The following RGS17 variants were observed in gnomAD, a reference collection of about 807,000 sequenced individuals.
RGS17 encodes the protein regulator of G-protein signaling 17.
RGS17 carries 12 observed loss-of-function variants against 25.5 expected under a neutral mutation model. The observed-to-expected ratio is 0.47, with a 90% CI of 0.30 to 0.76. The LOEUF (loss-of-function observed/expected upper bound fraction) is 0.76, where lower values mean the gene tolerates loss of function less well. Among genes scored for constraint, RGS17 ranks in the 30% least tolerant of loss-of-function variants. The pLI is 0.07. For synonymous variants in RGS17, 71 were observed against 76.9 expected (o/e 0.92, Z 0.40); for missense variants, 196 against 242.2 (o/e 0.81, Z 1.27).
At chr6:153,062,373 T>G (rs1776651404) in intron 1 of RGS17, among the ~76,000 whole-genome samples, 1 of 152,162 alleles carries the variant, frequency 6.6e-6, no homozygotes, top group South Asian at 2.1e-4. Flanking sequence ...AGTGGTGTAC[T>G]GTTAGAGAAG....
intron 1 of RGS17, among the ~76,000 whole-genome samples, chr6:153,052,265 GC>G (rs34434686): frequency 0.89 from 135,277 of 152,044 alleles, 60,417 homozygotes; most frequent in African/African-American, 0.97. Context: ...TGGGACCTCT[GC>G]CCCCAGTGGG....
At chr6:153,118,887 A>T (rs562038235) in intron 1 of RGS17, among the ~76,000 whole-genome samples, 1 of 152,076 alleles carries the variant, frequency 6.6e-6, no homozygotes, top group African/African-American at 2.4e-5. Context: ...ATATGAATAA[A>T]ACTGGTAAAA....
chr6:153,126,701 T>A (rs77248137), intron 1 of RGS17, among the ~76,000 whole-genome samples: 21,022 of 152,158 alleles, frequency 0.14, 1,920 homozygotes, highest in Non-Finnish European at 0.2. Flanking sequence ...AAAGATTTTT[T>A]AAAGAATGGC....
chr6:153,129,266 T>C (rs1258627931), intron 1 of RGS17, among the ~76,000 whole-genome samples: 1 of 152,210 alleles, frequency 6.6e-6, no homozygotes, highest in East Asian at 1.9e-4. Flanking sequence ...AATTACTGTT[T>C]TAGTTCATGT....
chr6:153,106,914 G>C (rs536864325), intron 1 of RGS17, among the ~76,000 whole-genome samples: 1 of 151,786 alleles, frequency 6.6e-6, no homozygotes, highest in African/African-American at 2.4e-5. Flanking sequence ...GATTATAGGC[G>C]TCAGCCACCG....
intron 4 of RGS17, among the ~76,000 whole-genome samples, chr6:153,013,765 C>G (rs1276576061): frequency 6.6e-6 from 1 of 152,194 alleles, no homozygotes; most frequent in Non-Finnish European, 1.5e-5. Context: ...TCCCTTAAGC[C>G]AAACCCTAAT....
intron 1 of RGS17, among the ~76,000 whole-genome samples, chr6:153,066,143 ATGAG>A (rs1776704613): frequency 1.3e-5 from 2 of 152,204 alleles, no homozygotes; most frequent in Admixed American, 1.3e-4. Flanking sequence ...AGAGGCTACT[ATGAG>A]TAACCGTGTA....
At chr6:153,110,260 T>C (rs1357306488) in intron 1 of RGS17, among the ~76,000 whole-genome samples, 2 of 152,300 alleles carry the variant, frequency 1.3e-5, no homozygotes, top group Admixed American at 1.3e-4. Flanking sequence ...TTCAAAGAGA[T>C]GTTTGGCTCA....
intron 1 of RGS17, among the ~76,000 whole-genome samples, chr6:153,121,688 T>C (rs1187276344): frequency 1.4e-4 from 21 of 152,228 alleles, no homozygotes; most frequent in Non-Finnish European, 5.9e-5. Context: ...TAAAGGTCTT[T>C]ACATCACAAA....
At chr6:153,116,619 G>A (rs1777550383) in intron 1 of RGS17, among the ~76,000 whole-genome samples, 1 of 152,144 alleles carries the variant, frequency 6.6e-6, no homozygotes, top group South Asian at 2.1e-4. Flanking sequence ...AAAGACACAT[G>A]CACATGTATG....
chr6:153,113,566 T>C (rs1490036212), intron 1 of RGS17, among the ~76,000 whole-genome samples: 1 of 152,208 alleles, frequency 6.6e-6, no homozygotes, highest in Non-Finnish European at 1.5e-5. Flanking sequence ...AACTCAGCTC[T>C]GGACCAAGTG....
chr6:153,073,710 G>A (rs750779684), intron 1 of RGS17, among the ~76,000 whole-genome samples: 89 of 152,086 alleles, frequency 5.9e-4, no homozygotes, highest in Non-Finnish European at 8.8e-4. Context: ...ATCAGCTTAG[G>A]TGACTGTGCA....
rs1017335402 is a variant in RGS17, at chr6:153,006,111, A to C, written c.*5463T>G. ...AGTGATCCTCACGCCTTAGTCTCCC[A>C]AAGTGCTGGGATTGTATGCGTGAGC... On this transcript the variant is annotated 3_prime_UTR_variant, in exon 5 of 5. Coordinates refer to ENST00000206262, the MANE Select transcript of RGS17 (RefSeq NM_012419.5). The C allele has an allele frequency of 2.0e-5, 3 of 152,188 alleles. No individual in the cohort carries two copies. Among genetic ancestry groups the C allele is most frequent in the Admixed American group, 6.5e-5 (1 of 15,274 alleles). The allele number at this position is 152,188 out of a possible 1,614,324, so 9.4% of individuals were successfully genotyped here.
At chr6:153,089,142 A>G (rs75074368) in intron 1 of RGS17, among the ~76,000 whole-genome samples, 4,893 of 151,838 alleles carry the variant, frequency 0.032, 383 homozygotes, top group South Asian at 0.26. Flanking sequence ...TCTGATCACA[A>G]TGGTACACTT....
chr6:153,050,813 T>C (rs1163344777), intron 1 of RGS17, among the ~76,000 whole-genome samples: 2 of 152,240 alleles, frequency 1.3e-5, no homozygotes, highest in African/African-American at 2.4e-5. Context: ...TGAATGTTTA[T>C]GTCCCCCTCA....
chr6:153,110,753 G>A (rs957512769), intron 1 of RGS17, among the ~76,000 whole-genome samples: 8 of 152,136 alleles, frequency 5.3e-5, no homozygotes, highest in South Asian at 2.1e-4. Flanking sequence ...ATCTCATTGC[G>A]ACTGCTTAGA....
intron 1 of RGS17, among the ~76,000 whole-genome samples, chr6:153,123,702 C>T (rs760537242): frequency 2.6e-4 from 40 of 152,146 alleles, no homozygotes; most frequent in Non-Finnish European, 8.8e-5. Context: ...GGAACTGCAG[C>T]AGTATCAGGA....
chr6:153,011,659 T>C lies in RGS17; in HGVS notation c.548A>G (p.His183Arg). Residue 183 changes from histidine (H) to arginine (R), a missense_variant, in exon 5 of 5, where the codon CAC (histidine) becomes CGC (arginine). His to Arg is a conservative substitution (Grantham distance 29). This residue lies in a region of RGS17 where 179 missense variants were observed against 197.6 expected (regional missense o/e 0.91). Transcript: ENST00000206262. ...CAAAAACCTTGGAAAAGAATCTCTG[T>C]GCATTAAAGTATATATCTGAAGTTG... is the stretch of plus-strand genomic sequence containing the variant. ...DAQLQIYTLM[H>R]RDSFPRFLNS... is the part of the protein sequence containing the mutation. The C allele has an allele frequency of 1.2e-6, 2 of 1,612,576 alleles. No individual in the cohort carries two copies. Among genetic ancestry groups the C allele is most frequent in the Non-Finnish European group, 1.7e-6 (2 of 1,178,768 alleles).
intron 1 of RGS17, among the ~76,000 whole-genome samples, chr6:153,111,950 A>C (rs1473310081): frequency 1.3e-5 from 2 of 152,232 alleles, no homozygotes. Flanking sequence ...CAAAGACCAA[A>C]GGTAGATAAA....
Sources: gnomAD v4.1 joint callset for allele counts (sites outside exome capture counted in the v4.1 genomes callset) on GRCh38, gnomAD v4.1.1 for gene constraint, gnomAD v4.1.1 regional missense constraint, MANE v1.5 for transcripts, NCBI Gene and HGNC (gene_info 2026-07-23, HGNC 2026-07-21) for gene names.